The following ADAMTS14 variants were observed in gnomAD, a reference collection of about 807,000 sequenced individuals.
ADAMTS14 encodes ADAM metallopeptidase with thrombospondin type 1 motif 14.
ADAMTS14 carries 100 observed loss-of-function variants against 128.6 expected under a neutral mutation model. The ratio of observed to expected loss-of-function variants is 0.78; its 90% CI spans 0.66 to 0.92. The LOEUF is 0.92. Among genes scored for constraint, ADAMTS14 ranks in the 40% least tolerant of loss-of-function variants. ADAMTS14 has a pLI of 0.00. For synonymous variants in ADAMTS14, 665 were observed against 653.8 expected (o/e 1.02, Z -0.26); for missense variants, 1,562 against 1,658.6 (o/e 0.94, Z 1.01).
intron 9 of ADAMTS14, 31 bp downstream of exon 9, chr10:70,735,332 T>C (rs1841792516): frequency 1.2e-6 from 2 of 1,610,940 alleles, no homozygotes; most frequent in African/African-American, 2.7e-5. Context: ...TGCCAGGTGG[T>C]TGGGGGCCAG....
At chr10:70,750,891 A>G (rs1842330052) in intron 16 of ADAMTS14, among the ~76,000 whole-genome samples, 1 of 152,196 alleles carries the variant, frequency 6.6e-6, no homozygotes, top group Admixed American at 6.5e-5. Context: ...TAAACCATAC[A>G]ACTCTTAGAA....
At chr10:70,687,317 G>T (rs1274630979) in intron 2 of ADAMTS14, among the ~76,000 whole-genome samples, 1 of 90,990 alleles carries the variant, frequency 1.1e-5, no homozygotes, top group Non-Finnish European at 2.3e-5. Flanking sequence ...TGGACAGGGC[G>T]GCTGGCCGGG....
At chr10:70,731,064 C>CCA (rs56903140) in intron 6 of ADAMTS14, among the ~76,000 whole-genome samples, 16,561 of 145,696 alleles carry the variant, frequency 0.11, 1,174 homozygotes, top group African/African-American at 0.2. Flanking sequence ...GTTTTACACA[C>CCA]CACACACACA....
rs1564547864 is a variant in ADAMTS14, at chr10:70,736,813, C to G, written c.1599+20C>G. 6.2e-7 allele frequency: 1 copy of G among 1,608,172 alleles called. No homozygotes were observed. The highest frequency in any genetic ancestry group is 8.5e-7 in the Non-Finnish European group (1 of 1,175,492). On this transcript the variant is annotated intron_variant, in intron 10 of 21. Coordinates refer to ENST00000373207, the MANE Select transcript of ADAMTS14 (RefSeq NM_080722.4). ...GGCAAGGTACCTGTGGGGTGTGCAG[C>G]AGGAGTGGCCTTCCTGGGGTGCAGG...
chr10:70,711,669 T>C (rs1449579514), intron 4 of ADAMTS14, among the ~76,000 whole-genome samples: 4 of 152,256 alleles, frequency 2.6e-5, no homozygotes. Flanking sequence ...AAGTTGTTCC[T>C]CGCCTGAGTT....
chr10:70,711,904 T>G (rs924552796), intron 4 of ADAMTS14, among the ~76,000 whole-genome samples: 3 of 152,072 alleles, frequency 2.0e-5, no homozygotes, highest in Admixed American at 2.0e-4. Context: ...AGAGATCAGC[T>G]CCAATGACAG....
intron 1 of ADAMTS14, 108 bp downstream of exon 1, chr10:70,672,992 C>G: frequency 7.6e-7 from 1 of 1,316,578 alleles, no homozygotes; most frequent in Non-Finnish European, 9.7e-7. Flanking sequence ...GGGTGGGAGG[C>G]AGTATGCACA....
At chr10:70,714,946 CAAA>C (rs58012076) in intron 4 of ADAMTS14, among the ~76,000 whole-genome samples, 2 of 63,028 alleles carry the variant, frequency 3.2e-5, no homozygotes, top group Non-Finnish European at 6.0e-5. Context: ...ACTGCAGTCT[CAAA>C]AAAAAAAAAA....
intron 2 of ADAMTS14, among the ~76,000 whole-genome samples, chr10:70,694,296 T>C (rs1840272832): frequency 6.6e-6 from 1 of 152,252 alleles, no homozygotes; most frequent in Non-Finnish European, 1.5e-5. Flanking sequence ...CTCTCCGTGC[T>C]TGTGTATTAT....
At chr10:70,704,663 T>C (rs1441778662) in intron 3 of ADAMTS14, among the ~76,000 whole-genome samples, 1 of 144,398 alleles carries the variant, frequency 6.9e-6, no homozygotes, top group African/African-American at 2.6e-5. Context: ...GCTTACACAC[T>C]GACACAAACA....
chr10:70,688,066 T>C (rs1231300240), intron 2 of ADAMTS14, among the ~76,000 whole-genome samples: 1 of 40,898 alleles, frequency 2.4e-5, no homozygotes, highest in Non-Finnish European at 4.8e-5. Flanking sequence ...TCCTCACTTC[T>C]CAGACGGGGC....
rs1842577719 is a variant in ADAMTS14 at position 70,760,367 on chromosome 10, C to G, written c.3186C>G (p.Pro1062=). The stretch of plus-strand genomic sequence containing the variant: ...CTTGTGCTGTGTGTGCAGCGGAGCC[C>G]TGCACGGGAGACAGGTCTGTCTTCT... ...HPINKISSTE[P]CTGDRSVFCQ... is the part of the protein sequence containing the mutation. Residue 1062 remains proline, a synonymous_variant, in exon 22 of 22, where the codon CCC becomes CCG. Coordinates refer to ENST00000373207, the MANE Select transcript of ADAMTS14 (RefSeq NM_080722.4). 2 of 1,570,918 alleles carry G rather than the reference C, an allele frequency of 1.3e-6. No individual in the cohort carries two copies. The highest frequency in any genetic ancestry group is 2.4e-5 in the South Asian group (2 of 84,920).
intron 5 of ADAMTS14, among the ~76,000 whole-genome samples, chr10:70,729,898 A>G (rs1841578970): frequency 6.6e-6 from 1 of 152,200 alleles, no homozygotes; most frequent in Non-Finnish European, 1.5e-5. Flanking sequence ...GCATCTCAGC[A>G]TGGTGCTTGG....
At chr10:70,731,841 C>T (rs1006476364) in intron 6 of ADAMTS14, among the ~76,000 whole-genome samples, 4 of 152,126 alleles carry the variant, frequency 2.6e-5, no homozygotes, top group Admixed American at 6.5e-5. Flanking sequence ...GTTGCAGGGT[C>T]GGGGTAGGCT....
At position 70,744,021 on chromosome 10, in the gene ADAMTS14, G is replaced by C. The variant is rs573831486; in HGVS notation, c.2059-45G>C. 5.8e-6 allele frequency: 9 copies of C among 1,543,798 alleles called. No homozygotes were observed. The South Asian group carries it at 8.4e-5, about 14-fold the overall frequency. On this transcript the variant is annotated intron_variant, in intron 13 of 21. Coordinates refer to ENST00000373207, the MANE Select transcript of ADAMTS14 (RefSeq NM_080722.4). ...GGAATGGGAGCCCCGGGGTGGCGGT[G>C]GGGGCAGGGGAGCCTCCTCCCACTG...
At chr10:70,687,317 G>A (rs1274630979) in intron 2 of ADAMTS14, among the ~76,000 whole-genome samples, 109 of 90,716 alleles carry the variant, frequency 1.2e-3, no homozygotes, top group African/African-American at 2.2e-3. Flanking sequence ...TGGACAGGGC[G>A]GCTGGCCGGG....
At position 70,720,534 on chromosome 10, in the gene ADAMTS14, G is replaced by A. The variant is rs762329430; in HGVS notation, c.871-8760G>A. ...CACCTGAGCATGGCATCTTGGTGAG[G>A]TCTTAGTGTCCCAACCCAGGGTAAA... On this transcript the variant is annotated intron_variant, in intron 4 of 21. Coordinates refer to ENST00000373207, the MANE Select transcript of ADAMTS14 (RefSeq NM_080722.4). 6.9e-4 allele frequency among the ~76,000 whole-genome samples: 105 copies of A among 152,286 alleles called. 1 individual carries two copies. The highest frequency in any genetic ancestry group is 7.8e-4 in the Admixed American group (12 of 15,302).
At chr10:70,759,957 G>A (rs74337655) in intron 21 of ADAMTS14, among the ~76,000 whole-genome samples, 117 of 152,324 alleles carry the variant, frequency 7.7e-4, no homozygotes, top group African/African-American at 2.7e-3. Flanking sequence ...GGCGAATGGC[G>A]AAGGGCCAGG....
intron 2 of ADAMTS14, among the ~76,000 whole-genome samples, chr10:70,679,741 G>A (rs540510859): frequency 2.6e-5 from 4 of 152,348 alleles, no homozygotes; most frequent in Admixed American, 1.3e-4. Flanking sequence ...GCAGCCACAC[G>A]TGTAAGATTT....
Sources: allele counts gnomAD v4.1 joint callset (sites outside exome capture counted in the v4.1 genomes callset), GRCh38; gene constraint gnomAD v4.1.1; transcripts MANE v1.5; gene names NCBI Gene and HGNC (gene_info 2026-07-23, HGNC 2026-07-21).